The following COL12A1 variants were observed in gnomAD, a reference collection of about 807,000 sequenced individuals.
COL12A1 encodes the protein collagen alpha-1(XII) chain.
In COL12A1, 114 loss-of-function variants were observed where a neutral mutation model predicts 349.7. The ratio of observed to expected loss-of-function variants is 0.33; its 90% confidence interval spans 0.28 to 0.38. COL12A1 has a LOEUF of 0.38. Ranked by LOEUF, COL12A1 falls within the 10% of genes least tolerant of loss-of-function variation. COL12A1 has a pLI of 1.00. For missense variants in COL12A1, 3,284 were observed against 3,756.9 expected, an observed-to-expected ratio of 0.87 and a Z score of 3.29; for synonymous variants, 1,369 against 1,329.0, an observed-to-expected ratio of 1.03 and a Z score of -0.66.
intron 52 of COL12A1, among the ~76,000 whole-genome samples, chr6:75,106,904 T>TC (rs1346335164): frequency 1.4e-5 from 2 of 141,996 alleles, no homozygotes; most frequent in African/African-American, 5.2e-5. Context: ...TTTTTCTTTT[T>TC]TTTTTTTTTT....
intron 37 of COL12A1, among the ~76,000 whole-genome samples, chr6:75,128,704 C>T (rs984765200): frequency 2.6e-5 from 4 of 152,102 alleles, no homozygotes; most frequent in Non-Finnish European, 5.9e-5. Context: ...AAAAGCAATG[C>T]CATGTGTGCT....
chr6:75,125,380 T>A, intron 39 of COL12A1, 107 bp from the exon 40 acceptor site: 1 of 1,036,440 alleles, frequency 9.6e-7, no homozygotes, highest in Non-Finnish European at 1.4e-6. Flanking sequence ...CACGATTAAT[T>A]CCATAGTCCT....
At chr6:75,157,806 C>A (rs543116377) in intron 14 of COL12A1, among the ~76,000 whole-genome samples, 1 of 152,102 alleles carries the variant, frequency 6.6e-6, no homozygotes, top group South Asian at 2.1e-4. Flanking sequence ...CCCAAAGGAG[C>A]CCAGGGAACA....
chr6:75,142,240 T>A, intron 26 of COL12A1, 79 bp from the exon 27 acceptor site: 1 of 1,515,276 alleles, frequency 6.6e-7, no homozygotes, highest in Non-Finnish European at 9.1e-7. Context: ...ACTGTACCTG[T>A]CAGCGTAAGA....
chr6:75,128,285 A>G lies in COL12A1; in HGVS notation c.6340+11T>C. ...AAAGCAAAAATAAAAGGGGGAGTAC[A>G]AAACACTTACCAGTTCTTCCATTTC... On this transcript the variant is annotated intron_variant, in intron 38 of 65. Coordinates refer to ENST00000322507, the MANE Select transcript of COL12A1 (RefSeq NM_004370.6). 1 of 1,590,650 alleles carries G rather than the reference A, an allele frequency of 6.3e-7. No homozygotes were observed. The highest frequency in any genetic ancestry group is 1.2e-5 in the South Asian group (1 of 85,596).
At chr6:75,113,119 C>A in intron 51 of COL12A1, 85 bp downstream of exon 51, 1 of 657,412 alleles carries the variant, frequency 1.5e-6, no homozygotes, top group Non-Finnish European at 2.3e-6. Context: ...ATAATTCTGC[C>A]AATTTAACAT....
Position 75,091,310 on chromosome 6 carries a change from A to G in COL12A1, c.8752+13T>C, listed in dbSNP as rs1767752791. On this transcript the variant is annotated intron_variant, in intron 62 of 65. Transcript: ENST00000322507. ...TAAAACAATTCATACAGTAAAAAGA[A>G]AAGAAATTTTACCACTTATCAATTG... The G allele has an allele frequency of 6.2e-7, 1 of 1,609,094 alleles. No homozygotes were observed. Among genetic ancestry groups the G allele is most frequent in the South Asian group, 1.1e-5 (1 of 90,310 alleles).
intron 58 of COL12A1, 97 bp from the exon 59 acceptor site, chr6:75,097,403 A>C: frequency 1.1e-6 from 1 of 898,064 alleles, no homozygotes; most frequent in South Asian, 1.7e-5. Context: ...GCTGAAGAGA[A>C]GGATTTAGCC....
Position 75,161,934 on chromosome 6 carries a change from A to C in COL12A1, c.2983+3573T>G, listed in dbSNP as rs558322988. Among the ~76,000 whole-genome samples the C allele has an allele frequency of 5.2e-4, 79 of 152,280 alleles. No homozygotes were observed. The South Asian group carries it at 9.9e-3, about 19-fold the overall frequency. ...CAAAGAGAATAAAATACCTAGGAAT[A>C]CAACTTACAAGGGATGTGAAGGACC... On this transcript the variant is annotated intron_variant, in intron 14 of 65. Coordinates refer to ENST00000322507, the MANE Select transcript of COL12A1 (RefSeq NM_004370.6).
chr6:75,181,692 A>C (rs1194180248), intron 10 of COL12A1, among the ~76,000 whole-genome samples: 1 of 152,230 alleles, frequency 6.6e-6, no homozygotes, highest in Non-Finnish European at 1.5e-5. Context: ...GCAGTTATTA[A>C]ACTAAATCAT....
At chr6:75,146,016 G>T in intron 24 of COL12A1, 86 bp downstream of exon 24, 1 of 1,326,202 alleles carries the variant, frequency 7.5e-7, no homozygotes, top group Non-Finnish European at 1.0e-6. Context: ...TTATAAATGA[G>T]TTTGTAAGTA....
In COL12A1 at chr6:75,180,966, A is replaced by C. The variant is rs1263140214; in HGVS notation, c.2137T>G (p.Leu713Val). Residue 713 changes from leucine to valine, a missense_variant, in exon 11 of 66, where the codon TTA becomes GTA. Physicochemically the swap from Leu to Val is conservative, Grantham distance 32. Transcript: ENST00000322507. The part of the protein sequence containing the change: ...AEYEDGFSIP[L>V]AGEETTEEVK... Reference sequence around the variant, plus strand: ...TCTTCGGTGGTCTCCTCTCCAGCTAAGGGAATGCTGAAGCCATCCTCATAC... The same window carrying C: ...TCTTCGGTGGTCTCCTCTCCAGCTACGGGAATGCTGAAGCCATCCTCATAC... 1 of 1,613,740 alleles carries C rather than the reference A, an allele frequency of 6.2e-7. No individual in the cohort carries two copies. The highest frequency in any genetic ancestry group is 8.5e-7 in the Non-Finnish European group (1 of 1,179,788).
At chr6:75,166,742 T>A (rs1582164410) in intron 13 of COL12A1, among the ~76,000 whole-genome samples, 1 of 152,280 alleles carries the variant, frequency 6.6e-6, no homozygotes, top group Middle Eastern at 3.4e-3. Flanking sequence ...CTTACAAGAA[T>A]TTTAAAAACT....
intron 11 of COL12A1, 132 bp from the exon 12 acceptor site, chr6:75,178,067 A>G: frequency 1.2e-6 from 1 of 823,784 alleles, no homozygotes; most frequent in South Asian, 1.9e-5. Flanking sequence ...TTATTTGCAA[A>G]CATCCTGGTT....
chr6:75,092,803 G>GAA (rs1299505458), intron 60 of COL12A1, among the ~76,000 whole-genome samples: 1 of 151,050 alleles, frequency 6.6e-6, no homozygotes, highest in Non-Finnish European at 1.5e-5. Flanking sequence ...AGATTTAGAG[G>GAA]AAAATAATAA....
Position 75,183,508 on chromosome 6 carries a change from T to A in COL12A1, c.1433A>T (p.Gln478Leu), listed in dbSNP as rs770461984. ...KSFEISPNRV[Q>L]ISLVQYSRDP... is the part of the protein sequence containing the mutation. ...CCGGCTGTATTGCACAAGACTAATC[T>A]GGACCCTATTTGGTGAAATTTCAAA... is the stretch of plus-strand genomic sequence containing the variant. The change falls in exon 10 of 66, where the codon CAG becomes CTG. Residue 478 changes from glutamine (Q) to leucine (L), a missense_variant. Coordinates refer to ENST00000322507, the MANE Select transcript of COL12A1 (RefSeq NM_004370.6). 31 of 1,614,096 alleles carry A rather than the reference T, an allele frequency of 1.9e-5. No homozygotes were observed. The highest frequency in any genetic ancestry group is 2.4e-5 in the Non-Finnish European group (28 of 1,180,044).
Position 75,087,684 on chromosome 6 carries a change from G to A in COL12A1, c.9074C>T (p.Pro3025Leu), listed in dbSNP as rs1269857085. Residue 3025 changes from proline (P) to leucine (L), a missense_variant, in exon 65 of 66, where the codon CCC (proline) becomes CTC (leucine). Around this residue, in one of 2 missense-constraint regions of COL12A1, gnomAD observed 683 missense variants for 932.1 expected, o/e 0.73. Coordinates refer to ENST00000322507, the MANE Select transcript of COL12A1 (RefSeq NM_004370.6). ...GSTGSRGPPG[P>L]PGRPGNSGIR... ...ACCTGAGTTTCCAGGACGGCCAGGG[G>A]GGCCAGGGGGACCTCTTGAACCTGT... is the stretch of plus-strand genomic sequence containing the variant. 3 of 1,610,036 alleles carry A rather than the reference G, an allele frequency of 1.9e-6. No homozygotes were observed. The highest frequency in any genetic ancestry group is 1.1e-5 in the South Asian group (1 of 90,452).
rs979026904 is a variant in COL12A1 at position 75,106,446 on chromosome 6, T to C, written c.8151A>G (p.Arg2717=). 1.2e-6 allele frequency: 2 copies of C among 1,613,826 alleles called. No individual in the cohort carries two copies. The highest frequency in any genetic ancestry group is 1.7e-5 in the Admixed American group (1 of 59,980). The change falls in exon 53 of 66, where the codon AGA becomes AGG. Residue 2717 remains arginine, a synonymous_variant. Transcript: ENST00000322507. The part of the protein sequence containing the change: ...DIVCSPVWTS[R]DRCCDIPSRR... ...TAGAGGGAATATCACAGCATCTGTC[T>C]CTACTGGTCCACACTGGACTGCAGA...
At chr6:75,096,869 C>T (rs1768060923) in intron 59 of COL12A1, among the ~76,000 whole-genome samples, 1 of 142,074 alleles carries the variant, frequency 7.0e-6, no homozygotes, top group Admixed American at 7.3e-5. Flanking sequence ...GCACTCCAGC[C>T]TGGGCGACAG....
Sources: allele counts gnomAD v4.1 joint callset (sites outside exome capture counted in the v4.1 genomes callset), GRCh38; gene constraint gnomAD v4.1.1; regional missense constraint gnomAD v4.1.1; transcripts MANE v1.5; gene names NCBI Gene and HGNC (gene_info 2026-07-23, HGNC 2026-07-21).